Variants in HNF4G observed in about 807,000 individuals in gnomAD.
The protein encoded by HNF4G is hepatocyte nuclear factor 4-gamma.
HNF4G carries 21 observed loss-of-function variants against 50.9 expected under a neutral mutation model. That is an observed-to-expected ratio of 0.41 (90% CI 0.29 to 0.59). The LOEUF (loss-of-function observed/expected upper bound fraction) is 0.59, where lower values mean the gene tolerates loss of function less well. Among genes scored for constraint, HNF4G ranks in the 20% least tolerant of loss-of-function variants. The pLI, the probability that HNF4G is intolerant of heterozygous loss-of-function variation, is 0.26. For synonymous variants in HNF4G, 198 were observed against 185.6 expected (o/e 1.07, Z -0.54); for missense variants, 527 against 559.4 (o/e 0.94, Z 0.58).
intron 1 of HNF4G, among the ~76,000 whole-genome samples, chr8:75,426,803 A>G (rs1810900888): frequency 6.6e-6 from 1 of 152,042 alleles, no homozygotes; most frequent in South Asian, 2.1e-4. Flanking sequence ...GTACTATGGA[A>G]CTCCCTGACA....
upstream of HNF4G, chr8:75,407,840 C>G (rs1441611230): frequency 6.6e-6 from 1 of 152,240 alleles, no homozygotes; most frequent in African/African-American, 2.4e-5. Flanking sequence ...CAGCAAACTT[C>G]CCAGCCTGGG....
At chr8:75,410,551 G>A (rs1358475755) in intron 1 of HNF4G, among the ~76,000 whole-genome samples, 1 of 152,098 alleles carries the variant, frequency 6.6e-6, no homozygotes, top group Non-Finnish European at 1.5e-5. Flanking sequence ...TTACTGAATG[G>A]CTGGAGATAC....
At chr8:75,429,165 G>A (rs962863790) in intron 1 of HNF4G, among the ~76,000 whole-genome samples, 1 of 152,120 alleles carries the variant, frequency 6.6e-6, no homozygotes, top group Non-Finnish European at 1.5e-5. Context: ...CACAGAGAGA[G>A]AATATAGGAA....
At chr8:75,439,767 A>C (rs2130542776) in intron 1 of HNF4G, among the ~76,000 whole-genome samples, 1 of 152,090 alleles carries the variant, frequency 6.6e-6, no homozygotes, top group South Asian at 2.1e-4. Flanking sequence ...TCTCCACATT[A>C]GTTTTTTTAA....
intron 1 of HNF4G, among the ~76,000 whole-genome samples, chr8:75,419,777 TTG>T (rs1322440815): frequency 6.6e-6 from 1 of 152,238 alleles, no homozygotes; most frequent in Non-Finnish European, 1.5e-5. Flanking sequence ...GAGTGATTAG[TTG>T]TGTTATGGCT....
At chr8:75,430,872 A>G (rs1811000970) in intron 1 of HNF4G, among the ~76,000 whole-genome samples, 1 of 152,202 alleles carries the variant, frequency 6.6e-6, no homozygotes, top group Admixed American at 6.5e-5. Flanking sequence ...ATCAGTAAAA[A>G]CAAACTGGAG....
rs576980990 is a variant in HNF4G at position 75,463,074 on chromosome 8, T to G, written c.-143-27015T>G. ...TGTCTGCTTGTTTTTTTGTTTTTTT[T>G]TTTTCTGTAATGCCTCTTAAATTTA... On this transcript the variant is annotated intron_variant, in intron 1 of 10. Coordinates refer to the HNF4G transcript ENST00000354370. 5.3e-5 allele frequency among the ~76,000 whole-genome samples: 8 copies of G among 151,734 alleles called. No homozygotes were observed. The East Asian group carries it at 1.4e-3, about 26-fold the overall frequency.
chr8:75,494,149 C>T (rs1156475829), intron 2 of HNF4G, among the ~76,000 whole-genome samples: 1 of 152,076 alleles, frequency 6.6e-6, no homozygotes, highest in African/African-American at 2.4e-5. Context: ...TTGTCTAAAA[C>T]ATCAAACCTT....
chr8:75,498,062 C>CA (rs939618501), intron 2 of HNF4G, among the ~76,000 whole-genome samples: 3 of 150,962 alleles, frequency 2.0e-5, no homozygotes, highest in South Asian at 4.2e-4. Flanking sequence ...GCACACAAGA[C>CA]AAAAAAAAGA....
chr8:75,477,817 A>AT (rs1420922757), intron 1 of HNF4G, among the ~76,000 whole-genome samples: 6 of 152,052 alleles, frequency 3.9e-5, no homozygotes, highest in Non-Finnish European at 7.4e-5. Context: ...AAAATACAAA[A>AT]TTAGTCGGAT....
chr8:75,561,074 T>C (rs75502924), intron 9 of HNF4G, among the ~76,000 whole-genome samples: 11,798 of 152,222 alleles, frequency 0.078, 469 homozygotes, highest in Middle Eastern at 0.12. Flanking sequence ...ATTTTTTCTA[T>C]GCCCTGATGA....
intron 2 of HNF4G, among the ~76,000 whole-genome samples, chr8:75,490,397 A>G (rs1449864268): frequency 6.6e-6 from 1 of 151,898 alleles, no homozygotes; most frequent in Non-Finnish European, 1.5e-5. Context: ...TGCAAATATG[A>G]TCTTCCTTGC....
intron 2 of HNF4G, among the ~76,000 whole-genome samples, chr8:75,492,746 A>G (rs756506341): frequency 3.3e-5 from 5 of 152,134 alleles, no homozygotes; most frequent in Admixed American, 1.3e-4. Flanking sequence ...CTGACCTTAC[A>G]CAGTGGCTCA....
intron 2 of HNF4G, among the ~76,000 whole-genome samples, chr8:75,521,007 A>T (rs1806024776): frequency 6.6e-6 from 1 of 152,220 alleles, no homozygotes; most frequent in South Asian, 2.1e-4. Flanking sequence ...ATATTAATAT[A>T]AAAAATGCCA....
At chr8:75,537,229 CTTTTATTTTA>C (rs67262167), upstream of HNF4G, among the ~76,000 whole-genome samples, 99,272 of 150,900 alleles carry the variant, frequency 0.66, 34,556 homozygotes, top group African/African-American at 0.9. Flanking sequence ...CATTAAAAGG[CTTTTATTTTA>C]TTTTATTTTA....
chr8:75,550,204 T>C (rs1255755446), intron 3 of HNF4G, among the ~76,000 whole-genome samples: 1 of 152,202 alleles, frequency 6.6e-6, no homozygotes, highest in South Asian at 2.1e-4. Flanking sequence ...CGAAATAATT[T>C]AGGGGCTACA....
At chr8:75,528,099 T>C (rs1344627395) in intron 2 of HNF4G, among the ~76,000 whole-genome samples, 3 of 152,204 alleles carry the variant, frequency 2.0e-5, no homozygotes, top group African/African-American at 7.2e-5. Flanking sequence ...TTGTTCTCTG[T>C]TGTTTATCTG....
chr8:75,483,535 A>G (rs1235850444), intron 1 of HNF4G, among the ~76,000 whole-genome samples: 1 of 152,102 alleles, frequency 6.6e-6, no homozygotes, highest in Non-Finnish European at 1.5e-5. Flanking sequence ...AGCTTTTGTT[A>G]CACTGCCCCC....
At chr8:75,437,046 T>G (rs1240973443) in intron 1 of HNF4G, among the ~76,000 whole-genome samples, 1 of 152,058 alleles carries the variant, frequency 6.6e-6, no homozygotes, top group Non-Finnish European at 1.5e-5. Flanking sequence ...AACAGTTTGT[T>G]AAAAACAAAT....
Sources: gnomAD v4.1 joint callset for allele counts (sites outside exome capture counted in the v4.1 genomes callset) on GRCh38, gnomAD v4.1.1 for gene constraint, MANE v1.5 for transcripts, NCBI Gene and HGNC (gene_info 2026-07-23, HGNC 2026-07-21) for gene names.